Variants in PLCXD3 observed in about 807,000 individuals in gnomAD.
PLCXD3 encodes phosphatidylinositol specific phospholipase C X domain containing 3.
Under a neutral mutation model 25.5 loss-of-function variants are expected in PLCXD3, and 19 were observed. The ratio of observed to expected loss-of-function variants is 0.75; its 90% CI spans 0.52 to 1.09. The LOEUF is 1.09. Among genes scored for constraint, PLCXD3 ranks in the 50% least tolerant of loss-of-function variants. The probability of loss-of-function intolerance (pLI) is 0.00; values close to 1 mark genes in which losing one functional copy is unlikely to be tolerated. For synonymous variants in PLCXD3, 174 were observed against 137.6 expected (o/e 1.26, Z -1.85); for missense variants, 411 against 388.1 (o/e 1.06, Z -0.50).
chr5:41,324,668 C>A (rs942326586), intron 2 of PLCXD3, among the ~76,000 whole-genome samples: 1 of 152,130 alleles, frequency 6.6e-6, no homozygotes. Context: ...ATGTGTGTAG[C>A]CACTCTGGTT....
chr5:41,317,263 G>T (rs760860656), intron 2 of PLCXD3, among the ~76,000 whole-genome samples: 1 of 152,234 alleles, frequency 6.6e-6, no homozygotes, highest in Non-Finnish European at 1.5e-5. Context: ...AGGCCATCAA[G>T]GTGGTACCTC....
chr5:41,368,482 C>T (rs1012953163), intron 2 of PLCXD3, among the ~76,000 whole-genome samples: 1 of 152,150 alleles, frequency 6.6e-6, no homozygotes, highest in South Asian at 2.1e-4. Context: ...CATCCACAAA[C>T]AAAGATAGTT....
In PLCXD3 at chr5:41,313,784, CAAAAA is replaced by C. The variant is rs1743211796; in HGVS notation, c.813-19_813-15del. On this transcript the variant is annotated splice_polypyrimidine_tract_variant and intron_variant, in intron 2 of 2. Transcript: ENST00000377801. The stretch of plus-strand genomic sequence containing the variant: ...GCAGGAAGAGCTCTGAGAAAGGAAA[CAAAAA>C]GAAAAGTCACAGAAGGCAAGATACT... 6.4e-7 allele frequency: 1 copy of C among 1,558,536 alleles called. No homozygotes were observed. Among genetic ancestry groups the C allele is most frequent in the African/African-American group, 1.4e-5 (1 of 71,808 alleles).
intron 1 of PLCXD3, among the ~76,000 whole-genome samples, chr5:41,441,298 T>C (rs963351264): frequency 2.0e-5 from 3 of 152,160 alleles, no homozygotes; most frequent in African/African-American, 7.2e-5. Flanking sequence ...GACGCACTCA[T>C]GCAATGTCAA....
chr5:41,432,732 T>C lies in PLCXD3; in HGVS notation c.104-50198A>G, dbSNP rs1434859063. 2.0e-5 allele frequency among the ~76,000 whole-genome samples: 3 copies of C among 152,228 alleles called. No homozygotes were observed. In the East Asian group the frequency reaches 5.8e-4, roughly 29 times the overall value. ...TAAATAGGAGCAAGAACATTCTGTT[T>C]ATTTAATAATGCAACTAACAGATAA... On this transcript the variant is annotated intron_variant, in intron 1 of 2. Coordinates refer to ENST00000377801, the MANE Select transcript of PLCXD3 (RefSeq NM_001005473.3).
intron 2 of PLCXD3, among the ~76,000 whole-genome samples, chr5:41,337,067 T>C (rs1244867412): frequency 1.3e-5 from 2 of 152,120 alleles, no homozygotes; most frequent in Non-Finnish European, 2.9e-5. Context: ...ACAACTACAT[T>C]TTCATTTCCA....
chr5:41,368,701 G>T (rs991811996), intron 2 of PLCXD3, among the ~76,000 whole-genome samples: 2 of 152,024 alleles, frequency 1.3e-5, no homozygotes, highest in African/African-American at 4.8e-5. Context: ...ATTATTTTGA[G>T]GTAGATTCCT....
intron 1 of PLCXD3, among the ~76,000 whole-genome samples, chr5:41,498,056 C>T (rs1014798902): frequency 8.6e-5 from 13 of 151,034 alleles, no homozygotes; most frequent in South Asian, 6.3e-4. Flanking sequence ...AAAGCAGTAC[C>T]GAGAGATTTA....
intron 2 of PLCXD3, among the ~76,000 whole-genome samples, chr5:41,372,347 C>CACACACACACACAT (rs71608606): frequency 7.5e-6 from 1 of 132,478 alleles, no homozygotes; most frequent in Non-Finnish European, 1.6e-5. Flanking sequence ...CACACACACA[C>CACACACACACACAT]ACCAGGCACT....
At position 41,510,521 on chromosome 5, in the gene PLCXD3, G is replaced by A. The variant is rs1468676630; in HGVS notation, c.6C>T (p.Ala2=). The A allele has an allele frequency of 6.2e-7, 1 of 1,612,852 alleles. No individual in the cohort carries two copies. The highest frequency in any genetic ancestry group is 2.2e-5 in the East Asian group (1 of 44,740). M[A]SSQGKNELKL... Reference sequence around the variant, plus strand: ...TCAGCTCGTTTTTCCCCTGAGACGAGGCCATCGTGCCAGTCGGCGTGCAGC... The same window carrying A: ...TCAGCTCGTTTTTCCCCTGAGACGAAGCCATCGTGCCAGTCGGCGTGCAGC... Residue 2 remains alanine, a synonymous_variant, in exon 1 of 3, where the codon GCC becomes GCT. Coordinates refer to ENST00000377801, the MANE Select transcript of PLCXD3 (RefSeq NM_001005473.3).
intron 1 of PLCXD3, among the ~76,000 whole-genome samples, chr5:41,465,353 CTTTTTTTTTTTTTTTTTTTTT>C (rs58098437): frequency 1.5e-4 from 2 of 13,226 alleles, no homozygotes; most frequent in East Asian, 2.7e-3. Context: ...TAGTTCTTGT[CTTTTTTTTTTTTTTTTTTTTT>C]TTTTTTTTTT....
chr5:41,445,482 A>G (rs1207688487), intron 1 of PLCXD3, among the ~76,000 whole-genome samples: 1 of 152,208 alleles, frequency 6.6e-6, no homozygotes, highest in Non-Finnish European at 1.5e-5. Context: ...TGTCTCATCT[A>G]TGAGTCTCCT....
At chr5:41,472,860 T>C (rs1748195566) in intron 1 of PLCXD3, among the ~76,000 whole-genome samples, 1 of 152,192 alleles carries the variant, frequency 6.6e-6, no homozygotes, top group Non-Finnish European at 1.5e-5. Flanking sequence ...ATAGCTCCAA[T>C]GTAAAAAAGA....
chr5:41,315,262 T>C (rs756096011), intron 2 of PLCXD3, among the ~76,000 whole-genome samples: 1 of 151,922 alleles, frequency 6.6e-6, no homozygotes, highest in South Asian at 2.1e-4. Context: ...AGTGTATTAA[T>C]AAAGAAAGTT....
intron 2 of PLCXD3, among the ~76,000 whole-genome samples, chr5:41,335,147 A>T (rs1743944064): frequency 6.6e-6 from 1 of 152,154 alleles, no homozygotes; most frequent in Non-Finnish European, 1.5e-5. Flanking sequence ...GGGTACTCAA[A>T]GCTCAAAAGC....
At position 41,318,697 on chromosome 5, in the gene PLCXD3, AACACAACCAGAAG is replaced by A. The variant is rs372926871; in HGVS notation, c.813-4940_813-4928del. 9.9e-5 allele frequency among the ~76,000 whole-genome samples: 15 copies of A among 152,250 alleles called. No individual in the cohort carries two copies. In the East Asian group the frequency reaches 2.7e-3, roughly 27 times the overall value. On this transcript the variant is annotated intron_variant, in intron 2 of 2. Coordinates refer to ENST00000377801, the MANE Select transcript of PLCXD3 (RefSeq NM_001005473.3). ...AAAGAAAAAAGGAAGAGAAGACCAC[AACACAACCAGAAG>A]ACACATAACAAAATGCAAGGAGTAA...
chr5:41,457,570 C>G (rs1311804814), intron 1 of PLCXD3, among the ~76,000 whole-genome samples: 1 of 151,886 alleles, frequency 6.6e-6, no homozygotes, highest in African/African-American at 2.4e-5. Flanking sequence ...GCCTCAGATA[C>G]AATACTGGGA....
intron 1 of PLCXD3, among the ~76,000 whole-genome samples, chr5:41,456,339 A>T (rs1265373353): frequency 6.6e-6 from 1 of 151,928 alleles, no homozygotes; most frequent in Admixed American, 6.6e-5. Flanking sequence ...GCAAATAAAA[A>T]CATAAATATC....
At chr5:41,400,050 A>G (rs1746130286) in intron 1 of PLCXD3, among the ~76,000 whole-genome samples, 3 of 152,278 alleles carry the variant, frequency 2.0e-5, no homozygotes, top group Admixed American at 6.5e-5. Context: ...ACACTTCTCA[A>G]AAGAAGGCAT....
Sources: gnomAD v4.1 joint callset for allele counts (sites outside exome capture counted in the v4.1 genomes callset) on GRCh38, gnomAD v4.1.1 for gene constraint, MANE v1.5 for transcripts, NCBI Gene and HGNC (gene_info 2026-07-23, HGNC 2026-07-21) for gene names.